Variants in TYK2 observed in about 807,000 individuals in gnomAD.
TYK2 encodes tyrosine kinase 2.
TYK2 carries 65 observed loss-of-function variants against 130.9 expected under a neutral mutation model. That is an observed-to-expected ratio of 0.50 (90% CI 0.41 to 0.61). TYK2 has a LOEUF of 0.61. Among genes scored for constraint, TYK2 ranks in the 20% least tolerant of loss-of-function variants. The pLI, the probability that TYK2 is intolerant of heterozygous loss-of-function variation, is 0.00. For missense variants in TYK2, 1,378 were observed against 1,610.7 expected, an observed-to-expected ratio of 0.86 and a Z score of 2.47; for synonymous variants, 647 against 658.9, an observed-to-expected ratio of 0.98 and a Z score of 0.28.
chr19:10,365,100 A>G lies in TYK2; in HGVS notation c.1012-52T>C, dbSNP rs754565457. On this transcript the variant is annotated intron_variant, in intron 7 of 24. Transcript: ENST00000525621. ...GATGGAGAGGGCAATGCCCGTTTAT[A>G]CCTCCTGCACTTTCCCCTGGGGAGA... 5.9e-6 allele frequency: 9 copies of G among 1,516,336 alleles called. No individual in the cohort carries two copies. The East Asian group carries it at 2.1e-4, about 35-fold the overall frequency. 93.9% of individuals were successfully genotyped at this position (1,516,336 alleles called of 1,614,324 possible).
chr19:10,354,243 G>A lies in TYK2; in HGVS notation c.2716-9C>T, dbSNP rs2040967001. ...ACCTTGCCGAAGTGACCCTGGTCGG[G>A]AGCGCACGAGGGTCAGCTCCACCTC... is the stretch of plus-strand genomic sequence containing the variant. On this transcript the variant is annotated splice_polypyrimidine_tract_variant and intron_variant, in intron 19 of 24. Coordinates refer to ENST00000525621, the MANE Select transcript of TYK2 (RefSeq NM_003331.5). The A allele has an allele frequency of 5.6e-6, 9 of 1,610,118 alleles. No homozygotes were observed. Among genetic ancestry groups the A allele is most frequent in the Non-Finnish European group, 7.6e-6 (9 of 1,179,950 alleles).
intron 5 of TYK2, among the ~76,000 whole-genome samples, chr19:10,367,110 G>A (rs1362159769): frequency 6.6e-6 from 1 of 152,018 alleles, no homozygotes; most frequent in East Asian, 1.9e-4. Context: ...TTTGTGTTGG[G>A]CTTCATTCAA....
chr19:10,377,324 GTGGATGGA>G (rs59020787), intron 3 of TYK2, among the ~76,000 whole-genome samples: 5,631 of 135,530 alleles, frequency 0.042, 230 homozygotes, highest in African/African-American at 0.12. Flanking sequence ...GAATGAACGG[GTGGATGGA>G]TGGATGGATG....
chr19:10,360,113 C>T (rs1030269617), intron 14 of TYK2, among the ~76,000 whole-genome samples: 8 of 151,520 alleles, frequency 5.3e-5, no homozygotes, highest in African/African-American at 9.7e-5. Flanking sequence ...ACCCGGGAGG[C>T]GGAGGTTGCA....
chr19:10,378,383 C>T lies in TYK2; in HGVS notation c.24G>A (p.Met8Ile), dbSNP rs995711325. The T allele has an allele frequency of 1.2e-6, 2 of 1,611,624 alleles. No homozygotes were observed. Among genetic ancestry groups the T allele is most frequent in the Non-Finnish European group, 1.7e-6 (2 of 1,179,910 alleles). The stretch of plus-strand genomic sequence containing the variant: ...CCCCAACGGGCTTACTGCCCCTGGC[C>T]ATCCCCCAGTGGCGCAGAGGCATGC... The part of the protein sequence containing the change: MPLRHWG[M>I]ARGSKPVGDG... The change falls in exon 3 of 25, where the codon ATG (methionine) becomes ATA (isoleucine). Residue 8 changes from methionine (M) to isoleucine (I), a missense_variant. By Grantham distance (10) the Met-to-Ile change is conservative. Transcript: ENST00000525621.
At chr19:10,378,070 G>T in intron 3 of TYK2, 144 bp downstream of exon 3, 3 of 794,848 alleles carry the variant, frequency 3.8e-6, no homozygotes, top group East Asian at 5.6e-5. Context: ...GGATGGGTGG[G>T]TGGATGGGTG....
rs755452263 is a variant in TYK2 at position 10,350,939 on chromosome 19, C to T, written c.3459G>A (p.Glu1153=). The change falls in exon 25 of 25, where the codon GAG becomes GAA. Residue 1153 remains glutamate, a synonymous_variant. Transcript: ENST00000525621. ...EVYHLMKNCW[E]TEASFRPTFE... ...AGGTTGGGCGAAAGGACGCCTCTGT[C>T]TCCCAGCAGTTCTTCATGAGATGAT... 2.5e-6 allele frequency: 4 copies of T among 1,614,226 alleles called. No homozygotes were observed. In the East Asian group the frequency reaches 8.9e-5, roughly 36 times the overall value.
In TYK2 at chr19:10,361,010, C is replaced by T. The variant is rs1460091218; in HGVS notation, c.2047+501G>A. ...GTTTAAGCGATCCTCCCACCTCTGC[C>T]TCCCAAAGTGCTGGGATAGGTGTGA... On this transcript the variant is annotated intron_variant, in intron 14 of 24. Transcript: ENST00000525621. The surrounding 1 kb of genome is among the most constrained non-coding windows in gnomAD (Gnocchi z 4.0). 1 of 387,496 alleles carries T rather than the reference C, an allele frequency of 2.6e-6. No individual in the cohort carries two copies. Among genetic ancestry groups the T allele is most frequent in the African/African-American group, 2.1e-5 (1 of 48,094 alleles). The allele number at this position is 387,496 out of a possible 1,614,324, so 24.0% of individuals were successfully genotyped here.
rs2041540238 is a variant in TYK2 at position 10,364,184 on chromosome 19, C to T, written c.1367+430G>A. On this transcript the variant is annotated intron_variant, in intron 9 of 24. Coordinates refer to ENST00000525621, the MANE Select transcript of TYK2 (RefSeq NM_003331.5). This position sits in a 1 kb window ranked among gnomAD's most constrained non-coding sequence, Gnocchi z 4.9. ...GGGTAACACACAGTCCCATGAAAAT[C>T]ACCAGTTCTGTGCAATGACAACCTC... Among the ~76,000 whole-genome samples the T allele has an allele frequency of 6.6e-6, 1 of 152,186 alleles. No individual in the cohort carries two copies. Among genetic ancestry groups the T allele is most frequent in the African/African-American group, 2.4e-5 (1 of 41,440 alleles).
rs781139336 is a variant in TYK2 at position 10,365,862 on chromosome 19, A to G, written c.666T>C (p.His222=). Residue 222 remains histidine, a synonymous_variant, in exon 7 of 25, where the codon CAT becomes CAC. Coordinates refer to ENST00000525621, the MANE Select transcript of TYK2 (RefSeq NM_003331.5). ...KDCIPRSFRR[H]IRQHSALTRL... ...GGGTCAGGGCGCTGTGCTGCCGGAT[A>G]TGCCGGCGGAAGGAGCGCGGGATGC... 1 of 1,612,086 alleles carries G rather than the reference A, an allele frequency of 6.2e-7. No individual in the cohort carries two copies. Among genetic ancestry groups the G allele is most frequent in the Non-Finnish European group, 8.5e-7 (1 of 1,179,552 alleles).
intron 18 of TYK2, among the ~76,000 whole-genome samples, chr19:10,356,342 G>A (rs1274538867): frequency 6.6e-6 from 1 of 152,198 alleles, no homozygotes; most frequent in Non-Finnish European, 1.5e-5. Context: ...TCACGTCACT[G>A]CGCTCCAGGC....
chr19:10,356,764 C>T (rs1382269492), intron 17 of TYK2, 46 bp from the exon 18 acceptor site: 4 of 1,552,668 alleles, frequency 2.6e-6, no homozygotes, highest in Non-Finnish European at 3.5e-6. Flanking sequence ...CCCCTCGCCC[C>T]CAACCCGTTC....
chr19:10,358,769 T>A (rs973077936), intron 15 of TYK2, among the ~76,000 whole-genome samples: 3 of 151,930 alleles, frequency 2.0e-5, no homozygotes, highest in Non-Finnish European at 2.9e-5. Flanking sequence ...TGTTTATTTT[T>A]AAAAGATGGG....
At chr19:10,359,391 G>A in intron 14 of TYK2, 89 bp from the exon 15 acceptor site, 5 of 1,515,232 alleles carry the variant, frequency 3.3e-6, no homozygotes, top group Non-Finnish European at 4.5e-6. Flanking sequence ...GAGGGACTTG[G>A]CATGTGGCTG....
intron 5 of TYK2, 85 bp from the exon 6 acceptor site, chr19:10,366,665 G>T: frequency 6.9e-7 from 1 of 1,454,728 alleles, no homozygotes; most frequent in Non-Finnish European, 9.6e-7. Flanking sequence ...TGGCTACCCT[G>T]GACCACACTG....
intron 18 of TYK2, among the ~76,000 whole-genome samples, chr19:10,356,102 G>A (rs1311553531): frequency 3.9e-5 from 6 of 152,126 alleles, no homozygotes; most frequent in African/African-American, 1.4e-4. Flanking sequence ...AAGGAGGCCA[G>A]GCGCAGTGGC....
chr19:10,358,358 T>G (rs989693052), intron 15 of TYK2, among the ~76,000 whole-genome samples: 6 of 148,118 alleles, frequency 4.1e-5, no homozygotes, highest in African/African-American at 1.5e-4. Context: ...TGGAGTATAG[T>G]GGCACGAACA....
chr19:10,373,612 T>G (rs2042004236), intron 3 of TYK2, among the ~76,000 whole-genome samples: 2 of 152,120 alleles, frequency 1.3e-5, no homozygotes, highest in African/African-American at 4.8e-5. Flanking sequence ...ATTACAGGCG[T>G]GACCCACTGT....
chr19:10,377,448 ATGAATGGGTGGGAGGATGGATGGG>A (rs2042170034), intron 3 of TYK2, among the ~76,000 whole-genome samples: 1 of 122,178 alleles, frequency 8.2e-6, no homozygotes, highest in African/African-American at 3.2e-5. Flanking sequence ...GGATAGATGG[ATGAATGGGTGGGAGGATGGATGGG>A]TGGGTGGATG....
Sources: allele counts gnomAD v4.1 joint callset (sites outside exome capture counted in the v4.1 genomes callset), GRCh38; gene constraint gnomAD v4.1.1; non-coding constraint Gnocchi (gnomAD v3.1); transcripts MANE v1.5; gene names NCBI Gene and HGNC (gene_info 2026-07-23, HGNC 2026-07-21).